KIAA0319L: variants seen among roughly 807,000 people sequenced by gnomAD.
The protein encoded by KIAA0319L is dyslexia-associated protein KIAA0319-like protein.
KIAA0319L carries 55 observed loss-of-function variants against 120.1 expected under a neutral mutation model. The observed-to-expected ratio is 0.46, with a 90% confidence interval of 0.37 to 0.57. The LOEUF is 0.57. Ranked by LOEUF, KIAA0319L falls within the 20% of genes least tolerant of loss-of-function variation. KIAA0319L has a pLI of 0.00. For missense variants in KIAA0319L, 1,049 were observed against 1,255.3 expected (o/e 0.84, Z 2.48); for synonymous variants, 398 against 471.9 (o/e 0.84, Z 2.03).
At chr1:35,553,821 G>T (rs901333691) in intron 2 of KIAA0319L, among the ~76,000 whole-genome samples, 1 of 152,212 alleles carries the variant, frequency 6.6e-6, no homozygotes, top group Admixed American at 6.5e-5. Flanking sequence ...TAATCTCTAG[G>T]AGGAAAGCAT....
At chr1:35,484,390 T>C (rs972314213) in intron 3 of KIAA0319L, among the ~76,000 whole-genome samples, 1 of 152,152 alleles carries the variant, frequency 6.6e-6, no homozygotes, top group Non-Finnish European at 1.5e-5. Context: ...CTAGGCAACA[T>C]AGTGGGACCC....
At chr1:35,526,823 T>C (rs1406304232) in intron 2 of KIAA0319L, among the ~76,000 whole-genome samples, 1 of 152,116 alleles carries the variant, frequency 6.6e-6, no homozygotes, top group Non-Finnish European at 1.5e-5. Context: ...CTCAACACTT[T>C]GGGAGGTCAA....
At chr1:35,526,366 TAC>T (rs1000263613) in intron 2 of KIAA0319L, among the ~76,000 whole-genome samples, 122 of 139,992 alleles carry the variant, frequency 8.7e-4, no homozygotes, top group African/African-American at 3.2e-3. Flanking sequence ...TGTATATATA[TAC>T]ATACATATAT....
intron 4 of KIAA0319L, among the ~76,000 whole-genome samples, chr1:35,476,425 A>G (rs1315093540): frequency 6.6e-6 from 1 of 152,196 alleles, no homozygotes; most frequent in Non-Finnish European, 1.5e-5. Context: ...AGGCTAGTCC[A>G]CTCATATTTC....
chr1:35,495,184 C>A lies in KIAA0319L; in HGVS notation c.666+11428G>T, dbSNP rs531913049. Among the ~76,000 whole-genome samples, 250 of 152,052 alleles carry A rather than the reference C, an allele frequency of 1.6e-3. 1 individual carries two copies. Among genetic ancestry groups the A allele is most frequent in the Middle Eastern group, 3.4e-3 (1 of 294 alleles). On this transcript the variant is annotated intron_variant, in intron 3 of 20. Coordinates refer to ENST00000325722, the MANE Select transcript of KIAA0319L (RefSeq NM_024874.5). ...GGTCAGGAGTTTGAGACCAGCCTGG[C>A]CAACATGGTGAAACCCCATCTCTAC...
chr1:35,451,606 C>T (rs1033075354), intron 13 of KIAA0319L, 22 bp downstream of exon 13: 1 of 1,611,454 alleles, frequency 6.2e-7, no homozygotes, highest in Non-Finnish European at 8.5e-7. Flanking sequence ...GGCTGCTACA[C>T]AAACTGGAGG....
At chr1:35,457,248 TAAG>T (rs1642539192) in intron 9 of KIAA0319L, among the ~76,000 whole-genome samples, 1 of 152,120 alleles carries the variant, frequency 6.6e-6, no homozygotes, top group Admixed American at 6.5e-5. Flanking sequence ...AACCAAATCT[TAAG>T]AAGAGGTAAT....
rs1198626169 is a variant in KIAA0319L at position 35,437,390 on chromosome 1, G to A, written c.2963-2309C>T. Among the ~76,000 whole-genome samples, 3 of 152,036 alleles carry A rather than the reference G, an allele frequency of 2.0e-5. No individual in the cohort carries two copies. Among genetic ancestry groups the A allele is most frequent in the African/African-American group, 7.3e-5 (3 of 41,368 alleles). On this transcript the variant is annotated intron_variant, in intron 20 of 20. Coordinates refer to ENST00000325722, the MANE Select transcript of KIAA0319L (RefSeq NM_024874.5). This position sits in a 1 kb window ranked among gnomAD's most constrained non-coding sequence, Gnocchi z 4.1. ...ACGCACCACTCCTCTACCTGCATTC[G>A]ACATTGCCACCCACAGATCTGTTCA...
At chr1:35,443,655 A>G (rs976051881) in intron 17 of KIAA0319L, among the ~76,000 whole-genome samples, 1 of 151,986 alleles carries the variant, frequency 6.6e-6, no homozygotes, top group Non-Finnish European at 1.5e-5. Flanking sequence ...CCTGGGCAAC[A>G]GAGCAAGACT....
At position 35,524,703 on chromosome 1, in the gene KIAA0319L, A is replaced by T. The variant is rs538374993; in HGVS notation, c.143-17568T>A. 6.6e-5 allele frequency among the ~76,000 whole-genome samples: 10 copies of T among 152,322 alleles called. No homozygotes were observed. The East Asian group carries it at 1.5e-3, about 23-fold the overall frequency. Reference sequence around the variant, plus strand: ...AAGATGATCAGAAGCACATCTTTTTAAAAAATGTTTTATTGATAAAGTTTG... The same window carrying T: ...AAGATGATCAGAAGCACATCTTTTTTAAAAATGTTTTATTGATAAAGTTTG... On this transcript the variant is annotated intron_variant, in intron 2 of 20. Transcript: ENST00000325722.
Position 35,441,199 on chromosome 1 carries a change from G to C in KIAA0319L, c.2871-61C>G, listed in dbSNP as rs1641189967. ...AGGTTCTCTGGGAGGATGAGGATGA[G>C]AGCCAGATGTGCATGCAGGGCCCTA... is the stretch of plus-strand genomic sequence containing the variant. On this transcript the variant is annotated intron_variant, in intron 19 of 20. Transcript: ENST00000325722. 7.5e-6 allele frequency: 11 copies of C among 1,474,376 alleles called. 1 individual carries two copies. The Admixed American group carries it at 1.9e-4, about 25-fold the overall frequency. 91.3% of individuals were successfully genotyped at this position (1,474,376 alleles called of 1,614,324 possible).
At chr1:35,549,083 C>G (rs2148511174) in intron 2 of KIAA0319L, among the ~76,000 whole-genome samples, 1 of 151,612 alleles carries the variant, frequency 6.6e-6, no homozygotes, top group Non-Finnish European at 1.5e-5. Context: ...CAGGGTCTCC[C>G]TCTGTCACCC....
At chr1:35,466,980 T>C (rs1021622858) in intron 6 of KIAA0319L, among the ~76,000 whole-genome samples, 1 of 151,978 alleles carries the variant, frequency 6.6e-6, no homozygotes, top group African/African-American at 2.4e-5. Context: ...TAGTCCCAGC[T>C]ACTTAGTAGG....
At chr1:35,441,359 C>T (rs1375112019) in intron 19 of KIAA0319L, among the ~76,000 whole-genome samples, 1 of 152,098 alleles carries the variant, frequency 6.6e-6, no homozygotes, top group Non-Finnish European at 1.5e-5. Flanking sequence ...CACCTTGGCA[C>T]GGACTCACCA....
At chr1:35,535,576 CAG>C in intron 2 of KIAA0319L, among the ~76,000 whole-genome samples, 1 of 152,236 alleles carries the variant, frequency 6.6e-6, no homozygotes, top group Admixed American at 6.5e-5. Context: ...ACCTACCCTA[CAG>C]AGTTATTAAA....
chr1:35,503,960 A>C (rs1645107273), intron 3 of KIAA0319L, among the ~76,000 whole-genome samples: 4 of 146,536 alleles, frequency 2.7e-5, no homozygotes, highest in Non-Finnish European at 5.9e-5. Flanking sequence ...ATCTCGGCTC[A>C]CTGCAACTTC....
intron 6 of KIAA0319L, among the ~76,000 whole-genome samples, chr1:35,467,104 G>GA (rs796682247): frequency 0.017 from 2,170 of 129,390 alleles, 24 homozygotes; most frequent in African/African-American, 0.036. Context: ...ACAACGAACT[G>GA]AAAAAAAAAA....
intron 19 of KIAA0319L, 63 bp from the exon 20 acceptor site, chr1:35,441,201 G>A (rs1641190392): frequency 1.4e-6 from 2 of 1,448,446 alleles, no homozygotes; most frequent in Non-Finnish European, 1.9e-6. Flanking sequence ...GAGGATGAGA[G>A]CCAGATGTGC....
intron 6 of KIAA0319L, among the ~76,000 whole-genome samples, chr1:35,468,830 G>A (rs1274610739): frequency 6.6e-6 from 1 of 152,170 alleles, no homozygotes; most frequent in Non-Finnish European, 1.5e-5. Context: ...CTTTAGAGAT[G>A]GAAAGCTCCA....
Sources: gnomAD v4.1 joint callset for allele counts (sites outside exome capture counted in the v4.1 genomes callset) on GRCh38, gnomAD v4.1.1 for gene constraint, Gnocchi (gnomAD v3.1) non-coding constraint, MANE v1.5 for transcripts, NCBI Gene and HGNC (gene_info 2026-07-23, HGNC 2026-07-21) for gene names.